Variants in RAB31 observed in about 807,000 individuals in gnomAD.
RAB31 encodes ras-related protein Rab-31.
A neutral mutation model predicts 25.6 loss-of-function variants in RAB31; 21 were observed. The observed-to-expected ratio is 0.82, with a 90% CI of 0.58 to 1.18. The LOEUF is 1.18. Ranked by LOEUF, RAB31 falls within the 50% of genes most tolerant of loss-of-function variation. The pLI is 0.00. For synonymous variants in RAB31, 87 were observed against 84.0 expected, an observed-to-expected ratio of 1.04 and a Z score of -0.20; for missense variants, 196 against 250.1, an observed-to-expected ratio of 0.78 and a Z score of 1.46.
intron 5 of RAB31, among the ~76,000 whole-genome samples, chr18:9,835,289 C>T (rs1461535639): frequency 2.0e-5 from 3 of 152,092 alleles, no homozygotes; most frequent in Non-Finnish European, 4.4e-5. Flanking sequence ...CGAGAGAAAA[C>T]GGCAGCTGGT....
At chr18:9,805,716 A>G (rs930611418) in intron 3 of RAB31, among the ~76,000 whole-genome samples, 3 of 152,206 alleles carry the variant, frequency 2.0e-5, no homozygotes, top group Admixed American at 1.3e-4. Flanking sequence ...TGAGCGTTCA[A>G]ACAGTGAGAT....
intron 1 of RAB31, among the ~76,000 whole-genome samples, chr18:9,757,599 T>C (rs796814099): frequency 2.0e-5 from 3 of 152,262 alleles, no homozygotes; most frequent in African/African-American, 7.2e-5. Flanking sequence ...TTAGCCACGT[T>C]GAACCTAGGA....
At chr18:9,713,142 A>C (rs1444771451) in intron 1 of RAB31, among the ~76,000 whole-genome samples, 1 of 152,256 alleles carries the variant, frequency 6.6e-6, no homozygotes, top group Non-Finnish European at 1.5e-5. Context: ...TGAGCACTGT[A>C]TGACAGAGTA....
intron 5 of RAB31, among the ~76,000 whole-genome samples, chr18:9,830,969 T>TC (rs2068675201): frequency 6.6e-6 from 1 of 152,254 alleles, no homozygotes; most frequent in Non-Finnish European, 1.5e-5. Context: ...TGACCTGCAG[T>TC]ATTAGCTGTC....
At chr18:9,717,758 A>G (rs530831438) in intron 1 of RAB31, among the ~76,000 whole-genome samples, 28 of 152,322 alleles carry the variant, frequency 1.8e-4, no homozygotes, top group African/African-American at 6.5e-4. Context: ...GGAGTATCAC[A>G]TAAAATTTGC....
At position 9,770,028 on chromosome 18, in the gene RAB31, G is replaced by A. The variant is rs557699184; in HGVS notation, c.40-5250G>A. 5.3e-5 allele frequency among the ~76,000 whole-genome samples: 8 copies of A among 152,286 alleles called. No individual in the cohort carries two copies. The East Asian group carries it at 7.7e-4, about 15-fold the overall frequency. The stretch of plus-strand genomic sequence containing the variant: ...ATATGTTGAACCAGCCTTGCGTCCC[G>A]GGGATAAAGCCAACTTGATTGTGGT... On this transcript the variant is annotated intron_variant, in intron 1 of 6. Coordinates refer to ENST00000578921, the MANE Select transcript of RAB31 (RefSeq NM_006868.4).
rs1475355809 is a variant in RAB31 at position 9,708,466 on chromosome 18, C to T, written c.39+22C>T. The T allele has an allele frequency of 1.9e-6, 3 of 1,546,612 alleles. No individual in the cohort carries two copies. Among genetic ancestry groups the T allele is most frequent in the Non-Finnish European group, 2.6e-6 (3 of 1,147,706 alleles). On this transcript the variant is annotated intron_variant, in intron 1 of 6. Transcript: ENST00000578921. This position sits in a 1 kb window ranked among gnomAD's most constrained non-coding sequence, Gnocchi z 6.4. The stretch of plus-strand genomic sequence containing the variant: ...CGGGGTGAGTCCTGGCCGCCACCCG[C>T]CGGCGGACCCCGGCCCGCGCTCTCG...
intron 1 of RAB31, among the ~76,000 whole-genome samples, chr18:9,730,506 T>A (rs2068117606): frequency 6.6e-6 from 1 of 152,168 alleles, no homozygotes; most frequent in Non-Finnish European, 1.5e-5. Flanking sequence ...GCCAGGCTGG[T>A]CTTGTACCCC....
intron 1 of RAB31, among the ~76,000 whole-genome samples, chr18:9,751,959 G>C (rs1488541766): frequency 6.6e-6 from 1 of 152,200 alleles, no homozygotes; most frequent in East Asian, 1.9e-4. Context: ...GCCCCAGGAA[G>C]ACAGGGATTG....
intron 1 of RAB31, among the ~76,000 whole-genome samples, chr18:9,715,207 T>C (rs1214871205): frequency 6.6e-6 from 1 of 151,558 alleles, no homozygotes; most frequent in Admixed American, 6.6e-5. Context: ...GTTGGGAAGG[T>C]TTCTTGGAGT....
At chr18:9,855,211 GTTTCCTC>G (rs1192869821) in intron 6 of RAB31, among the ~76,000 whole-genome samples, 1 of 151,656 alleles carries the variant, frequency 6.6e-6, no homozygotes, top group Non-Finnish European at 1.5e-5. Context: ...TAAAACCTGC[GTTTCCTC>G]TAGACTGTCA....
intron 1 of RAB31, among the ~76,000 whole-genome samples, chr18:9,731,850 C>T (rs1234147918): frequency 6.6e-6 from 1 of 152,072 alleles, no homozygotes; most frequent in Admixed American, 6.5e-5. Flanking sequence ...CCTGCCTCAG[C>T]TCCCAAAGTG....
At chr18:9,800,569 A>AC (rs1442586749) in intron 3 of RAB31, among the ~76,000 whole-genome samples, 8 of 151,614 alleles carry the variant, frequency 5.3e-5, no homozygotes, top group African/African-American at 1.9e-4. Context: ...TCTTTCCCTG[A>AC]CCCCCTTCTT....
chr18:9,774,992 ACATC>A, intron 1 of RAB31: 1 of 551,934 alleles, frequency 1.8e-6, no homozygotes, highest in Non-Finnish European at 3.5e-6. Flanking sequence ...TTCTGAAAAT[ACATC>A]CATAGTGAAC....
intron 5 of RAB31, among the ~76,000 whole-genome samples, chr18:9,841,464 G>A (rs368673589): frequency 4.6e-4 from 69 of 151,240 alleles, no homozygotes; most frequent in African/African-American, 1.6e-3. Context: ...GCGTGAACCC[G>A]GGAGGCAGAG....
chr18:9,749,714 T>A (rs943751825), intron 1 of RAB31, among the ~76,000 whole-genome samples: 2 of 152,246 alleles, frequency 1.3e-5, no homozygotes, highest in African/African-American at 4.8e-5. Context: ...CATGAATGGC[T>A]ACTAGCTCTT....
At chr18:9,851,893 TATATTTCATAATATATTTCAATATC>T (rs1431310436) in intron 6 of RAB31, among the ~76,000 whole-genome samples, 10 of 150,490 alleles carry the variant, frequency 6.6e-5, no homozygotes, top group African/African-American at 1.7e-4. Flanking sequence ...TCATATTTCA[TATATTTCATAATATATTTCAATATC>T]ATATTTCATA....
Position 9,775,465 on chromosome 18 carries a change from G to A in RAB31, c.119+108G>A, listed in dbSNP as rs1599033569. ...AGGCAGGGCCACAGTTTTCATCCCA[G>A]CCAGTGAGAATCAATCCCAGCTGTA... On this transcript the variant is annotated intron_variant, in intron 2 of 6. Coordinates refer to ENST00000578921, the MANE Select transcript of RAB31 (RefSeq NM_006868.4). 5.9e-6 allele frequency: 9 copies of A among 1,532,530 alleles called. No individual in the cohort carries two copies. The South Asian group carries it at 1.1e-4, about 18-fold the overall frequency. 94.9% of individuals were successfully genotyped at this position (1,532,530 alleles called of 1,614,324 possible).
intron 2 of RAB31, among the ~76,000 whole-genome samples, chr18:9,783,247 G>A (rs1386832303): frequency 6.6e-6 from 1 of 152,114 alleles, no homozygotes; most frequent in Non-Finnish European, 1.5e-5. Context: ...TCACAGAACA[G>A]GAAACCAAAG....
Sources: gnomAD v4.1 joint callset for allele counts (sites outside exome capture counted in the v4.1 genomes callset) on GRCh38, gnomAD v4.1.1 for gene constraint, Gnocchi (gnomAD v3.1) non-coding constraint, MANE v1.5 for transcripts, NCBI Gene and HGNC (gene_info 2026-07-23, HGNC 2026-07-21) for gene names.